Variants in DNM3 observed in about 807,000 individuals in gnomAD.
DNM3 encodes the protein dynamin-3.
A neutral mutation model predicts 101.6 loss-of-function variants in DNM3; 47 were observed. The ratio of observed to expected loss-of-function variants is 0.46; its 90% confidence interval spans 0.37 to 0.59. DNM3 has a LOEUF of 0.59. DNM3 is among the 20% of genes least tolerant of loss of function. The pLI is 0.00. For synonymous variants in DNM3, 385 were observed against 387.9 expected, an observed-to-expected ratio of 0.99 and a Z score of 0.09; for missense variants, 849 against 1,085.7, an observed-to-expected ratio of 0.78 and a Z score of 3.06.
At position 172,231,468 on chromosome 1, in the gene DNM3, G is replaced by A. The variant is rs367731756; in HGVS notation, c.1660-22105G>A. On this transcript the variant is annotated intron_variant, in intron 14 of 20. Coordinates refer to ENST00000627582, the MANE Select transcript of DNM3 (RefSeq NM_015569.5). ...TACATCACCATCATCAAAGACCAAA[G>A]GTAGATAAAACCATAAAGATGGGGA... Among the ~76,000 whole-genome samples the A allele has an allele frequency of 1.1e-4, 16 of 152,072 alleles. No individual in the cohort carries two copies. The East Asian group carries it at 2.1e-3, about 20-fold the overall frequency.
chr1:172,338,788 A>G (rs184054454), intron 17 of DNM3: 13 of 482,244 alleles, frequency 2.7e-5, no homozygotes, highest in African/African-American at 2.1e-4. Context: ...GTAGCTCTGA[A>G]AACTTTCAGG....
At chr1:171,925,207 C>T (rs1389643664) in intron 2 of DNM3, among the ~76,000 whole-genome samples, 5 of 151,522 alleles carry the variant, frequency 3.3e-5, no homozygotes, top group African/African-American at 1.2e-4. Context: ...GGCCCTTTGC[C>T]CACTTTTTTT....
chr1:172,068,022 T>G (rs1167172542), intron 10 of DNM3, among the ~76,000 whole-genome samples: 1 of 152,178 alleles, frequency 6.6e-6, no homozygotes, highest in Non-Finnish European at 1.5e-5. Context: ...TGTGCTTCAC[T>G]TTTCTCCTCT....
chr1:172,185,944 T>C (rs1186237443), intron 14 of DNM3, among the ~76,000 whole-genome samples: 1 of 152,156 alleles, frequency 6.6e-6, no homozygotes. Context: ...AGCAGTCATA[T>C]TATGAACAGT....
intron 14 of DNM3, among the ~76,000 whole-genome samples, chr1:172,239,804 T>TTTC (rs1553204945): frequency 6.4e-5 from 5 of 78,224 alleles, no homozygotes; most frequent in East Asian, 7.4e-4. Flanking sequence ...TTTTCTCTTT[T>TTTC]TTTTTTTTTT....
chr1:172,063,740 T>C (rs1205305439), intron 10 of DNM3, among the ~76,000 whole-genome samples: 1 of 141,030 alleles, frequency 7.1e-6, no homozygotes, highest in Non-Finnish European at 1.5e-5. Flanking sequence ...GATGTACCAC[T>C]GCACTCCAGC....
chr1:172,094,886 G>A (rs2054143650), intron 13 of DNM3, among the ~76,000 whole-genome samples: 1 of 152,190 alleles, frequency 6.6e-6, no homozygotes, highest in East Asian at 1.9e-4. Context: ...ACAGTCAGAA[G>A]CATCGCTTAG....
At position 172,410,227 on chromosome 1, in the gene DNM3, A is replaced by G. The variant is rs2071129729; in HGVS notation, c.*2386A>G. On this transcript the variant is annotated 3_prime_UTR_variant, in exon 21 of 21. Transcript: ENST00000627582. ...TTCCCAAAGGGTTTGTATTCTGCTA[A>G]AAGGAGATGCCAATGTTGAATGAAG... 1.0e-6 allele frequency: 1 copy of G among 985,274 alleles called. No individual in the cohort carries two copies. Among genetic ancestry groups the G allele is most frequent in the Non-Finnish European group, 1.2e-6 (1 of 829,896 alleles). 61.0% of individuals were successfully genotyped at this position (985,274 alleles called of 1,614,324 possible). A position where few individuals can be genotyped will look rare whatever the true frequency, so the allele number is the denominator to read the frequency against.
intron 2 of DNM3, among the ~76,000 whole-genome samples, chr1:171,952,313 A>G (rs1435052028): frequency 6.6e-6 from 1 of 152,248 alleles, no homozygotes; most frequent in Non-Finnish European, 1.5e-5. Flanking sequence ...AAAGAAATAT[A>G]CTTGGAGATA....
At chr1:172,072,361 A>G (rs1488393791) in intron 11 of DNM3, among the ~76,000 whole-genome samples, 1 of 152,180 alleles carries the variant, frequency 6.6e-6, no homozygotes, top group African/African-American at 2.4e-5. Flanking sequence ...AATAGCCCCC[A>G]TGCCTTGACT....
intron 20 of DNM3, among the ~76,000 whole-genome samples, chr1:172,417,951 G>A (rs760529603): frequency 2.6e-5 from 4 of 152,162 alleles, no homozygotes; most frequent in Non-Finnish European, 5.9e-5. Flanking sequence ...TTGGCTCGGG[G>A]ACTAGTCCCA....
At chr1:172,153,321 T>A (rs1322273573) in intron 14 of DNM3, among the ~76,000 whole-genome samples, 1 of 152,144 alleles carries the variant, frequency 6.6e-6, no homozygotes, top group East Asian at 1.9e-4. Context: ...TTAGGGAAAG[T>A]GGTTATGGTG....
At chr1:171,899,342 A>G (rs2038099988) in intron 1 of DNM3, among the ~76,000 whole-genome samples, 1 of 152,204 alleles carries the variant, frequency 6.6e-6, no homozygotes, top group Admixed American at 6.5e-5. Flanking sequence ...TCAAATGTGG[A>G]TGTGCCTTCC....
intron 1 of DNM3, among the ~76,000 whole-genome samples, chr1:171,859,529 C>A (rs1365906244): frequency 6.6e-6 from 1 of 152,256 alleles, no homozygotes; most frequent in East Asian, 1.9e-4. Flanking sequence ...GAGCTTTCAG[C>A]CTTTTTCATA....
In DNM3 at chr1:171,890,420, G is replaced by A. The variant is rs536889751; in HGVS notation, c.162-31328G>A. ...GCCTTCCTAGAGATAAAGCATAACC[G>A]AGTTTATTTAAAATTGAGTTGGTGA... On this transcript the variant is annotated intron_variant, in intron 1 of 20. Coordinates refer to ENST00000627582, the MANE Select transcript of DNM3 (RefSeq NM_015569.5). Among the ~76,000 whole-genome samples, 280 of 152,236 alleles carry A rather than the reference G, an allele frequency of 1.8e-3. 1 individual carries two copies. Among genetic ancestry groups the A allele is most frequent in the Middle Eastern group, 0.01 (3 of 292 alleles).
At chr1:172,415,829 C>T (rs1157851733), downstream of DNM3, among the ~76,000 whole-genome samples, 2 of 152,012 alleles carry the variant, frequency 1.3e-5, no homozygotes, top group Non-Finnish European at 2.9e-5. Context: ...TGCACCTGGC[C>T]TTTTTTGTGA....
chr1:172,248,504 C>T lies in DNM3; in HGVS notation c.1660-5069C>T, dbSNP rs139985137. Among the ~76,000 whole-genome samples, 187 of 152,088 alleles carry T rather than the reference C, an allele frequency of 1.2e-3. 1 individual carries two copies. Among genetic ancestry groups the T allele is most frequent in the African/African-American group, 4.3e-3 (177 of 41,482 alleles). On this transcript the variant is annotated intron_variant, in intron 14 of 20. Coordinates refer to ENST00000627582, the MANE Select transcript of DNM3 (RefSeq NM_015569.5). ...ATAAATAAAGATTGCCATGCTAGAT[C>T]GCCTATGACAAAAATTGTGGAAAAT...
chr1:172,040,218 T>C (rs1167280322), intron 7 of DNM3, among the ~76,000 whole-genome samples: 4 of 152,162 alleles, frequency 2.6e-5, no homozygotes, highest in Non-Finnish European at 5.9e-5. Context: ...TCAGTGTGTA[T>C]GTCATACCTC....
At chr1:171,972,776 G>A (rs561067124) in intron 2 of DNM3, among the ~76,000 whole-genome samples, 40 of 152,258 alleles carry the variant, frequency 2.6e-4, no homozygotes, top group African/African-American at 9.1e-4. Context: ...TTGAACTCGG[G>A]AGGTGGAAGT....
Sources: allele counts gnomAD v4.1 joint callset (sites outside exome capture counted in the v4.1 genomes callset), GRCh38; gene constraint gnomAD v4.1.1; transcripts MANE v1.5; gene names NCBI Gene and HGNC (gene_info 2026-07-23, HGNC 2026-07-21).